Variants in BTBD1 observed in about 807,000 individuals in gnomAD.
The protein encoded by BTBD1 is BTB domain containing 1, also known as BTB/POZ domain-containing protein 1.
Under a neutral mutation model 48.0 loss-of-function variants are expected in BTBD1, and 34 were observed. The ratio of observed to expected loss-of-function variants is 0.71; its 90% CI spans 0.54 to 0.94. The LOEUF (loss-of-function observed/expected upper bound fraction) is 0.94. BTBD1 is among the 40% of genes least tolerant of loss of function. BTBD1 has a pLI of 0.00. For missense variants in BTBD1, 543 were observed against 625.6 expected (o/e 0.87, Z 1.41); for synonymous variants, 261 against 242.1 (o/e 1.08, Z -0.72).
At chr15:83,042,353 T>C (rs1596437218) in intron 3 of BTBD1, among the ~76,000 whole-genome samples, 1 of 119,850 alleles carries the variant, frequency 8.3e-6, no homozygotes, top group South Asian at 2.4e-4. Context: ...CAATTTTATA[T>C]ATATATATAT....
intron 4 of BTBD1, among the ~76,000 whole-genome samples, chr15:83,033,621 C>G (rs1005886945): frequency 2.6e-5 from 4 of 151,866 alleles, no homozygotes; most frequent in African/African-American, 9.7e-5. Context: ...CACTGTTGCC[C>G]AGGTATGGAG....
rs2032482816 is a variant in BTBD1 at position 83,029,904 on chromosome 15, C to A, written c.1055+232G>T. On this transcript the variant is annotated intron_variant, in intron 5 of 7. Coordinates refer to ENST00000261721, the MANE Select transcript of BTBD1 (RefSeq NM_025238.4). ...AAAAATCACGTAACAGAAGGTCCAACCCAATCCTTTCTTACTCTATTTTTT... is the reference window on the plus strand; with the variant it reads ...AAAAATCACGTAACAGAAGGTCCAAACCAATCCTTTCTTACTCTATTTTTT... 7.5e-6 allele frequency: 4 copies of A among 535,750 alleles called. No homozygotes were observed. In the African/African-American group the frequency reaches 7.8e-5, roughly 10 times the overall value. The allele number at this position is 535,750 out of a possible 1,614,324, so 33.2% of individuals were successfully genotyped here. A position where few individuals can be genotyped will look rare whatever the true frequency, so the allele number is the denominator to read the frequency against.
intron 1 of BTBD1, among the ~76,000 whole-genome samples, chr15:83,057,118 A>C (rs1016707073): frequency 7.2e-5 from 11 of 152,194 alleles, no homozygotes; most frequent in African/African-American, 2.7e-4. Flanking sequence ...CCGTATGACA[A>C]ATGCCAATTC....
chr15:83,066,722 G>A (rs1478398058), intron 1 of BTBD1, 29 bp downstream of exon 1: 3 of 1,282,022 alleles, frequency 2.3e-6, no homozygotes, highest in African/African-American at 3.2e-5. Context: ...GGCCCGGCCC[G>A]GCCCGGCCCG....
At chr15:83,026,704 T>C (rs1037485735) in intron 5 of BTBD1, among the ~76,000 whole-genome samples, 1 of 152,036 alleles carries the variant, frequency 6.6e-6, no homozygotes. Context: ...GTATTTTTAG[T>C]AGAGACGGGG....
intron 3 of BTBD1, 38 bp from the exon 4 acceptor site, chr15:83,041,963 T>C: frequency 6.3e-7 from 1 of 1,580,784 alleles, no homozygotes; most frequent in Non-Finnish European, 8.7e-7. Flanking sequence ...ATTAGAAATA[T>C]TTTAGCTCTC....
rs1353277207 is a variant in BTBD1, at chr15:83,017,579, GCTT to G, written c.*485_*487del. 2.0e-5 allele frequency: 3 copies of G among 152,518 alleles called. No individual in the cohort carries two copies. Among genetic ancestry groups the G allele is most frequent in the Non-Finnish European group, 2.9e-5 (2 of 68,020 alleles). 9.4% of individuals were successfully genotyped at this position (152,518 alleles called of 1,614,324 possible). The stretch of plus-strand genomic sequence containing the variant: ...CTTCAAACCACCAAATATAAAGTCA[GCTT>G]CTTAATTTTCTGAAATTTAGTTATT... On this transcript the variant is annotated 3_prime_UTR_variant, in exon 8 of 8. Coordinates refer to ENST00000261721, the MANE Select transcript of BTBD1 (RefSeq NM_025238.4).
intron 5 of BTBD1, among the ~76,000 whole-genome samples, chr15:83,025,357 CAAAA>C (rs767479917): frequency 1.2e-4 from 8 of 64,170 alleles, no homozygotes; most frequent in East Asian, 1.0e-3. Context: ...GACTCCATCA[CAAAA>C]AAAAAAAAAA....
chr15:83,041,702 A>C, intron 4 of BTBD1, 26 bp downstream of exon 4: 1 of 1,606,816 alleles, frequency 6.2e-7, no homozygotes, highest in Non-Finnish European at 8.5e-7. Context: ...AGTTTCAAAT[A>C]GATTTTGGTG....
At chr15:83,042,052 CAG>C (rs1490993299) in intron 3 of BTBD1, 127 bp from the exon 4 acceptor site, 16 of 703,944 alleles carry the variant, frequency 2.3e-5, no homozygotes, top group Non-Finnish European at 2.4e-6. Flanking sequence ...CTTAAAACTA[CAG>C]ACTTTATACT....
chr15:83,047,160 C>CAT (rs1316544323), intron 3 of BTBD1, among the ~76,000 whole-genome samples: 1 of 152,136 alleles, frequency 6.6e-6, no homozygotes, highest in East Asian at 1.9e-4. Flanking sequence ...AAACAATCAA[C>CAT]ATATATATAC....
intron 1 of BTBD1, among the ~76,000 whole-genome samples, chr15:83,063,378 C>G (rs1381061232): frequency 6.6e-6 from 1 of 152,156 alleles, no homozygotes; most frequent in African/African-American, 2.4e-5. Flanking sequence ...CTCTATGACA[C>G]TACTTGGATG....
At chr15:83,066,632 G>A (rs1463755193) in intron 1 of BTBD1, 119 bp downstream of exon 1, 17 of 1,072,222 alleles carry the variant, frequency 1.6e-5, no homozygotes, top group Admixed American at 4.3e-5. Flanking sequence ...GGCCCCGGGC[G>A]GGTCAGAAGA....
intron 5 of BTBD1, chr15:83,028,611 C>T (rs966937800): frequency 6.6e-6 from 1 of 152,118 alleles, no homozygotes; most frequent in Admixed American, 6.5e-5. Context: ...TTTGACAAAA[C>T]TCACCTGTAA....
chr15:83,061,557 A>G (rs938426916), intron 1 of BTBD1: 5 of 146,366 alleles, frequency 3.4e-5, no homozygotes. Context: ...GCAGAGTGAC[A>G]TTGCACCAGT....
chr15:83,057,890 T>C (rs1458925225), intron 1 of BTBD1, among the ~76,000 whole-genome samples: 2 of 152,246 alleles, frequency 1.3e-5, no homozygotes, highest in Non-Finnish European at 2.9e-5. Context: ...GCTCTGTGTA[T>C]GTGGGAGGCT....
intron 1 of BTBD1, among the ~76,000 whole-genome samples, chr15:83,060,291 A>C (rs2033155627): frequency 6.6e-6 from 1 of 151,872 alleles, no homozygotes; most frequent in South Asian, 2.1e-4. Flanking sequence ...TTAAAAAAAA[A>C]CTAAGCCAAG....
chr15:83,064,586 C>A (rs993518583), intron 1 of BTBD1, among the ~76,000 whole-genome samples: 1 of 151,854 alleles, frequency 6.6e-6, no homozygotes, highest in South Asian at 2.1e-4. Context: ...AAAATTGCCC[C>A]AAAATAGTTT....
intron 5 of BTBD1, among the ~76,000 whole-genome samples, chr15:83,025,653 CAGTAACATATTGTAAT>C (rs1275847829): frequency 6.6e-6 from 1 of 152,014 alleles, no homozygotes; most frequent in Non-Finnish European, 1.5e-5. Flanking sequence ...TACTACAATA[CAGTAACATATTGTAAT>C]AGTAACATAA....
Sources: allele counts gnomAD v4.1 joint callset (sites outside exome capture counted in the v4.1 genomes callset), GRCh38; gene constraint gnomAD v4.1.1; transcripts MANE v1.5; gene names NCBI Gene and HGNC (gene_info 2026-07-23, HGNC 2026-07-21).